ADAR: variants seen among roughly 807,000 people sequenced by gnomAD.
The protein encoded by ADAR is adenosine deaminase RNA specific, also known as double-stranded RNA-specific adenosine deaminase.
In ADAR, 41 loss-of-function variants were observed where a neutral mutation model predicts 113.2. That is an observed-to-expected ratio of 0.36 (90% CI 0.28 to 0.47). The LOEUF (loss-of-function observed/expected upper bound fraction) is 0.47, where lower values mean the gene tolerates loss of function less well. Ranked by LOEUF, ADAR falls within the 20% of genes least tolerant of loss-of-function variation. The probability of loss-of-function intolerance (pLI) is 1.00; values close to 1 mark genes in which losing one functional copy is unlikely to be tolerated. For synonymous variants in ADAR, 605 were observed against 572.6 expected (o/e 1.06, Z -0.81); for missense variants, 1,242 against 1,540.9 (o/e 0.81, Z 3.25).
At chr1:154,618,025 T>C (rs1244324419) in intron 1 of ADAR, among the ~76,000 whole-genome samples, 2 of 151,378 alleles carry the variant, frequency 1.3e-5, no homozygotes, top group African/African-American at 4.8e-5. Context: ...ACACAATAGC[T>C]TCTTTATATG....
chr1:154,588,690 T>C lies in ADAR; in HGVS notation c.2763-17A>G. ...TAGAGAAACCTACAAAAAGAAAGTC[T>C]GGTTAGGAAGGCAGGTTCAATTCTG... is the stretch of plus-strand genomic sequence containing the variant. On this transcript the variant is annotated splice_polypyrimidine_tract_variant and intron_variant, in intron 9 of 14. Transcript: ENST00000368474. 1 of 1,614,136 alleles carries C rather than the reference T, an allele frequency of 6.2e-7. No individual in the cohort carries two copies. Among genetic ancestry groups the C allele is most frequent in the Non-Finnish European group, 8.5e-7 (1 of 1,180,030 alleles).
chr1:154,586,332 G>A lies in ADAR; in HGVS notation c.3051C>T (p.Asp1017=), dbSNP rs778158170. Residue 1017 remains aspartate, a synonymous_variant, in exon 12 of 15, where the codon GAC becomes GAT. Transcript: ENST00000368474. ...GEGTIPVESS[D]IVPTWDGIRL... ...GAATGCCATCCCACGTAGGCACAAT[G>A]TCACTGGATTCCACAGGGATTGTGC... is the stretch of plus-strand genomic sequence containing the variant. 13 of 1,614,072 alleles carry A rather than the reference G, an allele frequency of 8.1e-6. No individual in the cohort carries two copies. Among genetic ancestry groups the A allele is most frequent in the Non-Finnish European group, 1.1e-5 (13 of 1,180,056 alleles).
chr1:154,624,957 T>C (rs1316608897), intron 1 of ADAR, among the ~76,000 whole-genome samples: 4 of 152,312 alleles, frequency 2.6e-5, no homozygotes, highest in Non-Finnish European at 4.4e-5. Flanking sequence ...AGTATAAAAA[T>C]AGCTGGCTTA....
chr1:154,598,198 T>C (rs1697632011), intron 3 of ADAR, among the ~76,000 whole-genome samples: 1 of 152,028 alleles, frequency 6.6e-6, no homozygotes, highest in Non-Finnish European at 1.5e-5. Context: ...ATTCTGTAAA[T>C]CCAATTATGT....
At chr1:154,620,134 C>T (rs899718701) in intron 1 of ADAR, among the ~76,000 whole-genome samples, 7 of 152,182 alleles carry the variant, frequency 4.6e-5, no homozygotes, top group South Asian at 2.1e-4. Context: ...ACGGGCCAGG[C>T]GCGGTGGCTC....
intron 1 of ADAR, among the ~76,000 whole-genome samples, chr1:154,617,126 C>G (rs540458801): frequency 3.3e-5 from 5 of 152,352 alleles, no homozygotes; most frequent in African/African-American, 1.2e-4. Flanking sequence ...CCCCTGCAAG[C>G]GTCCTGTCCT....
intron 2 of ADAR, 109 bp from the exon 3 acceptor site, chr1:154,598,694 C>A (rs1697666423): frequency 2.3e-6 from 2 of 882,064 alleles, no homozygotes; most frequent in African/African-American, 8.7e-5. Context: ...GGGCTTTTCA[C>A]TTGTGGAGAT....
intron 12 of ADAR, 157 bp from the exon 13 acceptor site, chr1:154,586,022 T>G: frequency 8.4e-7 from 1 of 1,191,266 alleles, no homozygotes. Context: ...GCTACCAGGA[T>G]CTTCCTACCA....
chr1:154,583,380 C>T lies in ADAR; in HGVS notation c.*1426G>A, dbSNP rs1696536869. On this transcript the variant is annotated 3_prime_UTR_variant, in exon 15 of 15. Coordinates refer to ENST00000368474, the MANE Select transcript of ADAR (RefSeq NM_001111.5). ...TAAAGGAAACAGTTTCAAGCACTGA[C>T]AGTTTTTACGAGTGACTATTCAAAG... 6.6e-6 allele frequency: 1 copy of T among 152,170 alleles called. No individual in the cohort carries two copies. Among genetic ancestry groups the T allele is most frequent in the Admixed American group, 6.5e-5 (1 of 15,278 alleles). 9.4% of individuals were successfully genotyped at this position (152,170 alleles called of 1,614,324 possible).
At chr1:154,588,383 G>A in intron 10 of ADAR, 125 bp from the exon 11 acceptor site, 1 of 1,499,848 alleles carries the variant, frequency 6.7e-7, no homozygotes, top group Non-Finnish European at 9.2e-7. Flanking sequence ...GAGACTGGAG[G>A]TGGACAGCAG....
intron 1 of ADAR, among the ~76,000 whole-genome samples, chr1:154,623,724 CG>C (rs981311827): frequency 3.9e-5 from 6 of 152,064 alleles, no homozygotes; most frequent in African/African-American, 1.4e-4. Flanking sequence ...GCAAGAAGGC[CG>C]GGCACAGTAG....
At chr1:154,598,962 T>C (rs146067160) in intron 2 of ADAR, among the ~76,000 whole-genome samples, 4 of 152,322 alleles carry the variant, frequency 2.6e-5, no homozygotes, top group East Asian at 3.9e-4. Context: ...TCTAAAGCAA[T>C]TGTGGTAGAC....
At chr1:154,588,043 C>G in intron 11 of ADAR, 82 bp downstream of exon 11, 1 of 1,596,768 alleles carries the variant, frequency 6.3e-7, no homozygotes, top group South Asian at 1.1e-5. Context: ...ATGGTAAAAT[C>G]CTAGCAGCCT....
upstream of ADAR, among the ~76,000 whole-genome samples, chr1:154,608,393 A>G (rs1409570026): frequency 2.0e-5 from 3 of 149,236 alleles, no homozygotes; most frequent in South Asian, 4.2e-4. Flanking sequence ...CAATGGCGCA[A>G]TCTCGGCTCA....
At chr1:154,586,075 G>A (rs564174251) in intron 12 of ADAR, 106 bp downstream of exon 12, 4 of 1,423,926 alleles carry the variant, frequency 2.8e-6, no homozygotes, top group Non-Finnish European at 4.0e-6. Context: ...AGTGAATCAT[G>A]CTCACTTTGA....
chr1:154,621,748 AGGCATTGCTGAT>A (rs1399593692), intron 1 of ADAR, among the ~76,000 whole-genome samples: 1 of 152,186 alleles, frequency 6.6e-6, no homozygotes, highest in Non-Finnish European at 1.5e-5. Flanking sequence ...GTAAGTACTC[AGGCATTGCTGAT>A]GGCAGTGGAA....
At position 154,583,996 on chromosome 1, in the gene ADAR, G is replaced by A. The variant is rs1361028357; in HGVS notation, c.*810C>T. ...TGGCAATATTCCAAGGCATGCCCGT[G>A]CTCCCTGGGAAGTGGTCTGTGTCAT... is the stretch of plus-strand genomic sequence containing the variant. On this transcript the variant is annotated 3_prime_UTR_variant, in exon 15 of 15. Coordinates refer to ENST00000368474, the MANE Select transcript of ADAR (RefSeq NM_001111.5). The A allele has an allele frequency of 1.3e-5, 2 of 152,266 alleles. No individual in the cohort carries two copies. The highest frequency in any genetic ancestry group is 2.9e-5 in the Non-Finnish European group (2 of 68,072). The allele number at this position is 152,266 out of a possible 1,614,324, so 9.4% of individuals were successfully genotyped here.
At chr1:154,594,842 A>G (rs1396115773) in intron 6 of ADAR, among the ~76,000 whole-genome samples, 2 of 152,238 alleles carry the variant, frequency 1.3e-5, no homozygotes, top group African/African-American at 4.8e-5. Flanking sequence ...GAAGTCTGGT[A>G]AGTAAAGGAG....
At chr1:154,625,064 T>C (rs965178032) in intron 1 of ADAR, among the ~76,000 whole-genome samples, 1 of 152,230 alleles carries the variant, frequency 6.6e-6, no homozygotes, top group Admixed American at 6.5e-5. Context: ...AATACCTACT[T>C]TGTGCCCGTC....
Sources: gnomAD v4.1 joint callset for allele counts (sites outside exome capture counted in the v4.1 genomes callset) on GRCh38, gnomAD v4.1.1 for gene constraint, MANE v1.5 for transcripts, NCBI Gene and HGNC (gene_info 2026-07-23, HGNC 2026-07-21) for gene names.